Variants in ABCB5 observed in about 807,000 individuals in gnomAD.
ABCB5 encodes the protein ATP binding cassette subfamily B member 5, also known as ATP-binding cassette sub-family B member 5.
Under a neutral mutation model 144.2 loss-of-function variants are expected in ABCB5, and 155 were observed. The ratio of observed to expected loss-of-function variants is 1.08; its 90% CI spans 0.94 to 1.23. The LOEUF is 1.23. ABCB5 is among the 50% of genes most tolerant of loss of function. ABCB5 has a pLI of 0.00. For missense variants in ABCB5, 1,830 were observed against 1,520.8 expected (o/e 1.20, Z -3.38); for synonymous variants, 610 against 528.6 (o/e 1.15, Z -2.11).
intron 20 of ABCB5, among the ~76,000 whole-genome samples, chr7:20,720,837 G>C (rs1048329261): frequency 1.3e-5 from 2 of 150,948 alleles, no homozygotes; most frequent in South Asian, 2.1e-4. Flanking sequence ...CCAGCTACAC[G>C]GGAGGCTGAG....
intron 14 of ABCB5, among the ~76,000 whole-genome samples, chr7:20,664,042 A>AAG (rs1358559409): frequency 6.1e-5 from 9 of 147,552 alleles, no homozygotes; most frequent in African/African-American, 1.6e-4. Flanking sequence ...TTTTACCAAA[A>AAG]AGAGAGAGAG....
At chr7:20,616,300 T>C (rs941347909) in intron 1 of ABCB5, among the ~76,000 whole-genome samples, 4 of 152,224 alleles carry the variant, frequency 2.6e-5, no homozygotes, top group Non-Finnish European at 5.9e-5. Flanking sequence ...CCTCCCAAAG[T>C]GCTGGGATTA....
At position 20,704,075 on chromosome 7, in the gene ABCB5, C is replaced by CTTTTTTTTTTTTTTTTTTTTTTTT. The variant is rs71020669; in HGVS notation, c.2338-633_2338-632insTTTTTTTTTTTTTTTTTTTTTTTT. ...CTAAATTGTGTTGTTTATTGCCTTC[C>CTTTTTTTTTTTTTTTTTTTTTTTT]TTTTTTTTTTTTTTTTGTGAGACAG... On this transcript the variant is annotated intron_variant, in intron 19 of 27. Coordinates refer to ENST00000404938, the MANE Select transcript of ABCB5 (RefSeq NM_001163941.2). Among the ~76,000 whole-genome samples, 58 of 80,762 alleles carry CTTTTTTTTTTTTTTTTTTTTTTTT rather than the reference C, an allele frequency of 7.2e-4. 11 individuals carry two copies. The highest frequency in any genetic ancestry group is 0.011 in the Middle Eastern group (1 of 90). The allele number at this position is 80,762 out of a possible 152,430, so 53.0% of individuals were successfully genotyped here.
intron 15 of ABCB5, among the ~76,000 whole-genome samples, chr7:20,682,794 T>C (rs1357292766): frequency 6.6e-6 from 1 of 152,172 alleles, no homozygotes; most frequent in Non-Finnish European, 1.5e-5. Flanking sequence ...AGAAAGCTCA[T>C]ACTGGGCAAT....
chr7:20,751,786 CAA>C (rs1292182261), intron 26 of ABCB5, among the ~76,000 whole-genome samples: 1 of 152,172 alleles, frequency 6.6e-6, no homozygotes, highest in East Asian at 1.9e-4. Context: ...CCAAATTTAA[CAA>C]AATGCATTTT....
intron 13 of ABCB5, among the ~76,000 whole-genome samples, chr7:20,652,088 CA>C (rs1784614344): frequency 6.6e-6 from 1 of 152,104 alleles, no homozygotes; most frequent in Non-Finnish European, 1.5e-5. Context: ...TAAAGCATAA[CA>C]AAGAAATATG....
chr7:20,715,715 C>T (rs951652356), intron 20 of ABCB5, among the ~76,000 whole-genome samples: 3 of 149,110 alleles, frequency 2.0e-5, no homozygotes, highest in African/African-American at 5.0e-5. Context: ...CAGCCTAGAG[C>T]GAGCTATAAT....
intron 27 of ABCB5, among the ~76,000 whole-genome samples, chr7:20,754,993 AGGCTGGAGTGCAAT>A (rs2128058526): frequency 6.6e-6 from 1 of 151,338 alleles, no homozygotes; most frequent in African/African-American, 2.4e-5. Context: ...CTTGTCACTT[AGGCTGGAGTGCAAT>A]GGCACGATCT....
chr7:20,711,845 TTTTCTTTCTTTCTTTCC>T (rs1562573806), intron 20 of ABCB5, among the ~76,000 whole-genome samples: 108 of 10,224 alleles, frequency 0.011, 18 homozygotes, highest in African/African-American at 0.062. Context: ...TCTTTCTTTC[TTTTCTTTCTTTCTTTCC>T]TTCCTCCCTC....
chr7:20,695,793 T>C (rs532438755), intron 16 of ABCB5, among the ~76,000 whole-genome samples: 5 of 151,826 alleles, frequency 3.3e-5, no homozygotes, highest in East Asian at 3.9e-4. Context: ...GATGAGCACA[T>C]TGGAAATAAG....
chr7:20,652,949 G>A (rs1026497043), intron 13 of ABCB5, among the ~76,000 whole-genome samples: 1 of 152,146 alleles, frequency 6.6e-6, no homozygotes, highest in East Asian at 1.9e-4. Flanking sequence ...TAAAAAATTT[G>A]TTATGCCAGT....
intron 25 of ABCB5, 125 bp from the exon 26 acceptor site, chr7:20,745,107 A>G: frequency 9.7e-7 from 1 of 1,030,404 alleles, no homozygotes; most frequent in Non-Finnish European, 1.5e-6. Flanking sequence ...GGGTAACTTT[A>G]TACTTTGAAA....
intron 23 of ABCB5, among the ~76,000 whole-genome samples, chr7:20,731,369 A>AAAAAAAAAATATATATAT (rs57305244): frequency 4.0e-4 from 49 of 123,050 alleles, no homozygotes; most frequent in African/African-American, 1.5e-3. Context: ...AAAAAAAAAA[A>AAAAAAAAAATATATATAT]ATATATATAT....
chr7:20,618,764 C>CTTTTTTTT lies in ABCB5; in HGVS notation c.-22+2948_-22+2955dup, dbSNP rs59970398. Among the ~76,000 whole-genome samples, 421 of 51,592 alleles carry CTTTTTTTT rather than the reference C, an allele frequency of 8.2e-3. 75 individuals are homozygous for CTTTTTTTT. Among genetic ancestry groups the CTTTTTTTT allele is most frequent in the East Asian group, 0.01 (15 of 1,442 alleles). 33.8% of individuals were successfully genotyped at this position (51,592 alleles called of 152,430 possible). On this transcript the variant is annotated intron_variant, in intron 1 of 27. Transcript: ENST00000404938. ...TCATGGCATATATGTGCTGCATTTT[C>CTTTTTTTT]TTTTTTTTTTTTTTTTTTTTTTTTT...
intron 20 of ABCB5, among the ~76,000 whole-genome samples, chr7:20,718,002 C>T (rs1219092096): frequency 5.9e-5 from 8 of 136,318 alleles, no homozygotes; most frequent in African/African-American, 1.6e-4. Flanking sequence ...CCCGAGTTAA[C>T]GCCATTCTCC....
intron 14 of ABCB5, among the ~76,000 whole-genome samples, chr7:20,658,893 A>G (rs940852946): frequency 2.0e-5 from 3 of 152,144 alleles, no homozygotes; most frequent in Non-Finnish European, 4.4e-5. Context: ...AAATATATAC[A>G]TGAGGCTGAT....
intron 14 of ABCB5, among the ~76,000 whole-genome samples, chr7:20,680,349 G>C (rs1785749118): frequency 1.3e-5 from 2 of 152,120 alleles, no homozygotes; most frequent in African/African-American, 4.8e-5. Context: ...ACAAGGTCAG[G>C]AGATCGAGAC....
At chr7:20,731,371 T>TAC (rs1782215505) in intron 23 of ABCB5, among the ~76,000 whole-genome samples, 1 of 124,882 alleles carries the variant, frequency 8.0e-6, no homozygotes, top group South Asian at 2.4e-4. Context: ...AAAAAAAAAA[T>TAC]ATATATATAT....
intron 9 of ABCB5, 191 bp from the exon 10 acceptor site, chr7:20,647,344 T>A: frequency 7.5e-7 from 1 of 1,340,882 alleles, no homozygotes; most frequent in South Asian, 2.1e-5. Context: ...TGTGTTTCTA[T>A]TGCTTCTCGG....
Sources: gnomAD v4.1 joint callset for allele counts (sites outside exome capture counted in the v4.1 genomes callset) on GRCh38, gnomAD v4.1.1 for gene constraint, MANE v1.5 for transcripts, NCBI Gene and HGNC (gene_info 2026-07-23, HGNC 2026-07-21) for gene names.